PRIMA1: variants seen among roughly 807,000 people sequenced by gnomAD.
PRIMA1 encodes the protein proline-rich membrane anchor 1.
Under a neutral mutation model 17.5 loss-of-function variants are expected in PRIMA1, and 7 were observed. That is an observed-to-expected ratio of 0.40 (90% CI 0.23 to 0.75). The LOEUF (loss-of-function observed/expected upper bound fraction) is 0.75, where lower values mean the gene tolerates loss of function less well. Among genes scored for constraint, PRIMA1 ranks in the 30% least tolerant of loss-of-function variants. The probability of loss-of-function intolerance (pLI) is 0.37; values close to 1 mark genes in which losing one functional copy is unlikely to be tolerated. For missense variants in PRIMA1, 200 were observed against 201.8 expected, an observed-to-expected ratio of 0.99 and a Z score of 0.05; for synonymous variants, 97 against 77.9, an observed-to-expected ratio of 1.25 and a Z score of -1.29.
At chr14:93,745,821 T>C (rs1384374455) in intron 3 of PRIMA1, among the ~76,000 whole-genome samples, 1 of 152,150 alleles carries the variant, frequency 6.6e-6, no homozygotes, top group Admixed American at 6.5e-5. Flanking sequence ...GTACCAGGAG[T>C]TAAAATCCAG....
intron 3 of PRIMA1, among the ~76,000 whole-genome samples, chr14:93,771,011 G>A (rs1282284985): frequency 2.6e-5 from 4 of 152,114 alleles, no homozygotes; most frequent in African/African-American, 9.7e-5. Context: ...TTAAAAGGTG[G>A]AATAACTGCT....
intron 3 of PRIMA1, among the ~76,000 whole-genome samples, chr14:93,771,084 A>G (rs375834151): frequency 1.3e-5 from 2 of 151,786 alleles, no homozygotes; most frequent in Non-Finnish European, 2.9e-5. Context: ...GTATGTGTGT[A>G]CATGTGCGTG....
At chr14:93,757,229 A>AGG (rs1282254141) in intron 3 of PRIMA1, among the ~76,000 whole-genome samples, 1 of 151,954 alleles carries the variant, frequency 6.6e-6, no homozygotes, top group Non-Finnish European at 1.5e-5. Context: ...GAAGGAAGGA[A>AGG]AGAAGGAAGG....
intron 3 of PRIMA1, among the ~76,000 whole-genome samples, chr14:93,750,570 T>G (rs529351522): frequency 6.5e-4 from 99 of 152,270 alleles, no homozygotes; most frequent in Admixed American, 1.2e-3. Context: ...TAAATAAAGT[T>G]TTACTGAAAC....
chr14:93,788,612 C>A (rs988923618), upstream of PRIMA1: 1 of 152,032 alleles, frequency 6.6e-6, no homozygotes, highest in Non-Finnish European at 1.5e-5. Context: ...CGGGGAGGAG[C>A]GCCCGGCGCT....
chr14:93,747,600 TGAGTGTGTGA>T (rs2076227588), intron 3 of PRIMA1, among the ~76,000 whole-genome samples: 1 of 148,228 alleles, frequency 6.7e-6, no homozygotes, highest in South Asian at 2.2e-4. Flanking sequence ...GTATTGTGTA[TGAGTGTGTGA>T]GAGTGTGTGG....
chr14:93,750,158 A>G lies in PRIMA1; in HGVS notation c.230-12788T>C, dbSNP rs77461852. ...TGCCGAGATCGTGCCACTGCACCGT[A>G]GCCTGGGAGATACAGTGAGACTCCG... On this transcript the variant is annotated intron_variant, in intron 3 of 4. Transcript: ENST00000393140. 1.3e-3 allele frequency among the ~76,000 whole-genome samples: 200 copies of G among 152,266 alleles called. 6 individuals are homozygous for G. In the East Asian group the frequency reaches 0.037, roughly 28 times the overall value.
intron 3 of PRIMA1, among the ~76,000 whole-genome samples, chr14:93,769,678 C>T (rs1006467264): frequency 3.3e-5 from 5 of 152,202 alleles, no homozygotes; most frequent in Non-Finnish European, 5.9e-5. Context: ...CTGTGCCTGT[C>T]GCTCAGCTTT....
At chr14:93,747,925 G>A (rs1397454872) in intron 3 of PRIMA1, among the ~76,000 whole-genome samples, 5 of 91,682 alleles carry the variant, frequency 5.5e-5, no homozygotes, top group Non-Finnish European at 5.1e-5. Context: ...ACTGTGTGGA[G>A]TGTGATTATG....
intron 2 of PRIMA1, among the ~76,000 whole-genome samples, chr14:93,784,458 G>A (rs1301153973): frequency 1.3e-5 from 2 of 152,182 alleles, no homozygotes; most frequent in Admixed American, 6.5e-5. Context: ...GTGAGCCACT[G>A]CAACCAGCCT....
intron 2 of PRIMA1, among the ~76,000 whole-genome samples, chr14:93,782,246 C>T (rs1055056182): frequency 6.6e-5 from 10 of 152,108 alleles, no homozygotes; most frequent in African/African-American, 1.4e-4. Flanking sequence ...CCAGCCTGGG[C>T]GACAGAGCAA....
At chr14:93,736,475 T>C (rs1443894824) in intron 4 of PRIMA1, among the ~76,000 whole-genome samples, 1 of 152,232 alleles carries the variant, frequency 6.6e-6, no homozygotes, top group Non-Finnish European at 1.5e-5. Context: ...CCCTGCAGCA[T>C]GTGCATTTTG....
chr14:93,723,924 G>A (rs185449615), intron 4 of PRIMA1, among the ~76,000 whole-genome samples: 1 of 152,252 alleles, frequency 6.6e-6, no homozygotes, highest in East Asian at 1.9e-4. Context: ...ATGGGGTCTT[G>A]CTCTGTTGCC....
Position 93,726,505 on chromosome 14 carries a change from C to T in PRIMA1, c.360-4959G>A, listed in dbSNP as rs1011309693. ...CCCACACCCATACACACACATGAAC[C>T]TGCGTAACACACACAGGCACGTACA... On this transcript the variant is annotated intron_variant, in intron 4 of 4. Coordinates refer to ENST00000393140, the MANE Select transcript of PRIMA1 (RefSeq NM_178013.4). The surrounding 1 kb of genome is among the most constrained non-coding windows in gnomAD (Gnocchi z 4.2). Among the ~76,000 whole-genome samples, 1 of 152,142 alleles carries T rather than the reference C, an allele frequency of 6.6e-6. No homozygotes were observed. The highest frequency in any genetic ancestry group is 2.4e-5 in the African/African-American group (1 of 41,426).
In PRIMA1 at chr14:93,721,444, TCACACCAC is replaced by T; in HGVS notation, c.454_461del (p.Val152SerfsTer26). 1 of 1,607,006 alleles carries T rather than the reference TCACACCAC, an allele frequency of 6.2e-7. No homozygotes were observed. The highest frequency in any genetic ancestry group is 8.5e-7 in the Non-Finnish European group (1 of 1,173,874). ...GCCAGCGGGTCCAGGGCCTGCAGAC[TCACACCAC>T]TGCGTTGTTCACGTCTACTCCTTTG... On this transcript the variant is annotated frameshift_variant and stop_lost, in exon 5 of 5. Transcript: ENST00000393140. LOFTEE classifies it high-confidence loss of function.
chr14:93,751,849 T>G (rs548485198), intron 3 of PRIMA1, among the ~76,000 whole-genome samples: 7 of 152,358 alleles, frequency 4.6e-5, no homozygotes, highest in Admixed American at 3.9e-4. Flanking sequence ...CAGAGCTGTG[T>G]TGTCTAATAC....
At chr14:93,764,265 A>G (rs1002485622) in intron 3 of PRIMA1, among the ~76,000 whole-genome samples, 8 of 151,282 alleles carry the variant, frequency 5.3e-5, no homozygotes, top group African/African-American at 1.9e-4. Context: ...CTGTGGAAGC[A>G]CAGCCCTTCT....
At position 93,726,023 on chromosome 14, in the gene PRIMA1, A is replaced by G. The variant is rs1216931703; in HGVS notation, c.360-4477T>C. ...GCATGGTTCCTAGAAACCAAGAGAG[A>G]GGTTAGTGAGACTTTCCTTGGCGGC... On this transcript the variant is annotated intron_variant, in intron 4 of 4. Transcript: ENST00000393140. This position sits in a 1 kb window ranked among gnomAD's most constrained non-coding sequence, Gnocchi z 4.2. 2.2e-6 allele frequency: 1 copy of G among 456,386 alleles called. No individual in the cohort carries two copies. Among genetic ancestry groups the G allele is most frequent in the African/African-American group, 2.0e-5 (1 of 50,034 alleles). The allele number at this position is 456,386 out of a possible 1,614,324, so 28.3% of individuals were successfully genotyped here.
chr14:93,766,963 TGAAGGAATGAAC>T (rs1454965821), intron 3 of PRIMA1, among the ~76,000 whole-genome samples: 3 of 152,190 alleles, frequency 2.0e-5, no homozygotes, highest in African/African-American at 7.2e-5. Flanking sequence ...AAGGACTGAA[TGAAGGAATGAAC>T]AAATGAACAA....
Sources: allele counts gnomAD v4.1 joint callset (sites outside exome capture counted in the v4.1 genomes callset), GRCh38; gene constraint gnomAD v4.1.1; non-coding constraint Gnocchi (gnomAD v3.1); transcripts MANE v1.5; gene names NCBI Gene and HGNC (gene_info 2026-07-23, HGNC 2026-07-21).